The following SLC25A21 variants were observed in gnomAD, a reference collection of about 807,000 sequenced individuals.
SLC25A21 encodes the protein solute carrier family 25 member 21, also known as mitochondrial 2-oxodicarboxylate carrier.
A neutral mutation model predicts 43.8 loss-of-function variants in SLC25A21; 47 were observed. The observed-to-expected ratio is 1.07, with a 90% confidence interval of 0.85 to 1.37. The LOEUF (loss-of-function observed/expected upper bound fraction) is 1.37, where lower values mean the gene tolerates loss of function less well. SLC25A21 is among the 40% of genes most tolerant of loss of function. The pLI, the probability that SLC25A21 is intolerant of heterozygous loss-of-function variation, is 0.00. For synonymous variants in SLC25A21, 131 were observed against 121.3 expected, an observed-to-expected ratio of 1.08 and a Z score of -0.52; for missense variants, 352 against 350.2, an observed-to-expected ratio of 1.00 and a Z score of -0.04.
intron 1 of SLC25A21, among the ~76,000 whole-genome samples, chr14:37,030,722 T>C (rs992791486): frequency 2.6e-5 from 4 of 152,180 alleles, no homozygotes; most frequent in Admixed American, 2.6e-4. Flanking sequence ...AAGAACACAC[T>C]ATAAAAACTG....
At chr14:37,131,613 A>C (rs1291748848) in intron 1 of SLC25A21, among the ~76,000 whole-genome samples, 1 of 152,350 alleles carries the variant, frequency 6.6e-6, no homozygotes, top group East Asian at 1.9e-4. Flanking sequence ...TAAGTGCTAA[A>C]GGAAGAAGGA....
intron 3 of SLC25A21, among the ~76,000 whole-genome samples, chr14:36,791,958 T>C (rs1887501708): frequency 6.6e-6 from 1 of 152,152 alleles, no homozygotes; most frequent in South Asian, 2.1e-4. Context: ...TTTTTTTTTC[T>C]AGCTTATGAA....
chr14:37,162,394 A>G (rs7152257), intron 1 of SLC25A21, among the ~76,000 whole-genome samples: 60,298 of 135,106 alleles, frequency 0.45, 12,721 homozygotes, highest in African/African-American at 0.59. Context: ...TTACTCATCT[A>G]ACAAAGGGCT....
At chr14:36,874,083 C>T (rs1890449791) in intron 2 of SLC25A21, among the ~76,000 whole-genome samples, 2 of 152,226 alleles carry the variant, frequency 1.3e-5, no homozygotes, top group South Asian at 4.1e-4. Context: ...CCTTCTCTTG[C>T]TTTCAGCAAC....
intron 1 of SLC25A21, among the ~76,000 whole-genome samples, chr14:36,914,721 C>A (rs1345387239): frequency 6.6e-6 from 1 of 151,362 alleles, no homozygotes; most frequent in Admixed American, 6.6e-5. Context: ...ACCAAATAGT[C>A]ATGTCAGTAA....
At chr14:36,841,950 T>C (rs929564996) in intron 2 of SLC25A21, among the ~76,000 whole-genome samples, 4 of 152,252 alleles carry the variant, frequency 2.6e-5, no homozygotes, top group Admixed American at 6.5e-5. Flanking sequence ...CTAAATCTTA[T>C]GCAAAGCCAG....
Position 36,734,588 on chromosome 14 carries a change from A to T in SLC25A21, c.204-15T>A. 6.3e-7 allele frequency: 1 copy of T among 1,589,032 alleles called. No homozygotes were observed. ...AACCAAATAACCTGTTGGAGAAATAAAAGATTTCCTATGAGTAAGGAAATT... is the reference window on the plus strand; with the variant it reads ...AACCAAATAACCTGTTGGAGAAATATAAGATTTCCTATGAGTAAGGAAATT... On this transcript the variant is annotated splice_polypyrimidine_tract_variant and intron_variant, in intron 3 of 9. Coordinates refer to ENST00000331299, the MANE Select transcript of SLC25A21 (RefSeq NM_030631.4).
At chr14:37,143,545 C>T (rs532161570) in intron 1 of SLC25A21, among the ~76,000 whole-genome samples, 1 of 151,940 alleles carries the variant, frequency 6.6e-6, no homozygotes, top group Admixed American at 6.6e-5. Context: ...AAAACAGCTG[C>T]TTAAAGCCCA....
chr14:36,680,146 C>CTT lies in SLC25A21; in HGVS notation c.*510_*511dup, dbSNP rs1425649075. 2.3e-6 allele frequency: 2 copies of CTT among 858,086 alleles called. No homozygotes were observed. Among genetic ancestry groups the CTT allele is most frequent in the Non-Finnish European group, 2.8e-6 (2 of 714,924 alleles). The allele number at this position is 858,086 out of a possible 1,614,324, so 53.2% of individuals were successfully genotyped here. On this transcript the variant is annotated 3_prime_UTR_variant, in exon 10 of 10. Transcript: ENST00000331299. ...ATTCTTAAAAGGTCATTTTAGTGCACTTTAAAAAATTTTTCTTGTGCTCTT... is the reference window on the plus strand; with the variant it reads ...ATTCTTAAAAGGTCATTTTAGTGCACTTTTTAAAAAATTTTTCTTGTGCTCTT...
chr14:37,088,116 T>C (rs1197182390), intron 1 of SLC25A21, among the ~76,000 whole-genome samples: 14 of 152,346 alleles, frequency 9.2e-5, no homozygotes, highest in Non-Finnish European at 1.8e-4. Flanking sequence ...GCATTATGTA[T>C]TTACAATCAA....
intron 1 of SLC25A21, among the ~76,000 whole-genome samples, chr14:37,133,306 A>G (rs2138908894): frequency 1.3e-5 from 2 of 152,224 alleles, no homozygotes; most frequent in Admixed American, 1.3e-4. Flanking sequence ...ATCATAGATA[A>G]CTATTCCCCA....
chr14:36,919,649 A>ATCTATCTATCTATCTATCTATCTG (rs1555336820), intron 1 of SLC25A21, among the ~76,000 whole-genome samples: 4 of 149,630 alleles, frequency 2.7e-5, no homozygotes, highest in African/African-American at 1.0e-4. Flanking sequence ...CTATCTATCT[A>ATCTATCTATCTATCTATCTATCTG]TCTATCTATC....
At chr14:37,011,820 T>C (rs562763179) in intron 1 of SLC25A21, among the ~76,000 whole-genome samples, 1 of 152,336 alleles carries the variant, frequency 6.6e-6, no homozygotes, top group Non-Finnish European at 1.5e-5. Flanking sequence ...AATTTTTACA[T>C]TGGCTAGAGC....
At chr14:37,074,340 A>G (rs767399872) in intron 1 of SLC25A21, among the ~76,000 whole-genome samples, 14 of 151,964 alleles carry the variant, frequency 9.2e-5, no homozygotes, top group Non-Finnish European at 1.6e-4. Flanking sequence ...AAATGGGGCC[A>G]CTCTTCCTTG....
intron 2 of SLC25A21, among the ~76,000 whole-genome samples, chr14:36,863,320 G>A (rs954203214): frequency 6.6e-6 from 1 of 152,086 alleles, no homozygotes; most frequent in African/African-American, 2.4e-5. Context: ...AGCTAAGGGA[G>A]AGTCTTCTAA....
intron 1 of SLC25A21, among the ~76,000 whole-genome samples, chr14:37,119,259 A>G (rs577939418): frequency 2.3e-4 from 35 of 152,210 alleles, no homozygotes; most frequent in African/African-American, 8.4e-4. Flanking sequence ...AGAATCAAGA[A>G]ATAACTAGGC....
chr14:36,772,045 T>C (rs2415364), intron 3 of SLC25A21, among the ~76,000 whole-genome samples: 25,823 of 151,988 alleles, frequency 0.17, 2,666 homozygotes, highest in East Asian at 0.39. Flanking sequence ...ACAGGAAAGT[T>C]TGCCAAACCC....
At chr14:37,126,328 G>C (rs1566899771) in intron 1 of SLC25A21, among the ~76,000 whole-genome samples, 1 of 151,828 alleles carries the variant, frequency 6.6e-6, no homozygotes, top group Non-Finnish European at 1.5e-5. Context: ...CCACCAAAAT[G>C]GTACTTGGCC....
chr14:37,069,762 G>T lies in SLC25A21; in HGVS notation c.70+102519C>A, dbSNP rs984038738. Among the ~76,000 whole-genome samples the T allele has an allele frequency of 3.3e-5, 5 of 152,102 alleles. No individual in the cohort carries two copies. The East Asian group carries it at 7.7e-4, about 23-fold the overall frequency. ...GCCCTTTTCCAGGAACATTTTAAAA[G>T]GAAATAGCTTAAAGGAAACTTTTAT... On this transcript the variant is annotated intron_variant, in intron 1 of 9. Coordinates refer to ENST00000331299, the MANE Select transcript of SLC25A21 (RefSeq NM_030631.4).
Sources: allele counts gnomAD v4.1 joint callset (sites outside exome capture counted in the v4.1 genomes callset), GRCh38; gene constraint gnomAD v4.1.1; transcripts MANE v1.5; gene names NCBI Gene and HGNC (gene_info 2026-07-23, HGNC 2026-07-21).